STK17B: variants seen among roughly 807,000 people sequenced by gnomAD.
STK17B encodes the protein serine/threonine-protein kinase 17B.
A neutral mutation model predicts 42.0 loss-of-function variants in STK17B; 21 were observed. The ratio of observed to expected loss-of-function variants is 0.50; its 90% confidence interval spans 0.35 to 0.72. The LOEUF (loss-of-function observed/expected upper bound fraction) is 0.72, where lower values mean the gene tolerates loss of function less well. STK17B is among the 30% of genes least tolerant of loss of function. The probability of loss-of-function intolerance (pLI) is 0.00; values close to 1 mark genes in which losing one functional copy is unlikely to be tolerated. For missense variants in STK17B, 349 were observed against 446.0 expected (o/e 0.78, Z 1.96); for synonymous variants, 143 against 148.4 (o/e 0.96, Z 0.26).
upstream of STK17B, among the ~76,000 whole-genome samples, chr2:196,171,922 G>T (rs995842443): frequency 6.6e-6 from 1 of 152,200 alleles, no homozygotes; most frequent in African/African-American, 2.4e-5. Context: ...AGTTCGAGAG[G>T]TGTGAATATC....
At chr2:196,147,764 ACT>A (rs1699600927) in intron 3 of STK17B, among the ~76,000 whole-genome samples, 1 of 142,044 alleles carries the variant, frequency 7.0e-6, no homozygotes, top group Admixed American at 7.4e-5. Flanking sequence ...ATGGAGTTTC[ACT>A]CTGTTGCCAG....
chr2:196,152,671 T>C (rs1372887506), intron 3 of STK17B, among the ~76,000 whole-genome samples: 1 of 152,222 alleles, frequency 6.6e-6, no homozygotes, highest in African/African-American at 2.4e-5. Flanking sequence ...TGTAGAATGA[T>C]TTCTGGAATA....
chr2:196,171,539 CAGCAGCGGAGAGGACTACCG>C lies in STK17B; in HGVS notation c.-271_-252del, dbSNP rs1699943044. ...CTTCTCGTGAAGTGACTCCTGGCGA[CAGCAGCGGAGAGGACTACCG>C]AAGCTTGCAGTCGCGGTTTGAAAAC... On this transcript the variant is annotated 5_prime_UTR_variant, in exon 1 of 8. Transcript: ENST00000263955. The C allele has an allele frequency of 6.6e-6, 1 of 152,258 alleles. No homozygotes were observed. Among genetic ancestry groups the C allele is most frequent in the Admixed American group, 6.5e-5 (1 of 15,292 alleles). 9.4% of individuals were successfully genotyped at this position (152,258 alleles called of 1,614,324 possible).
At position 196,137,494 on chromosome 2, in the gene STK17B, C is replaced by A. The variant is rs766870205; in HGVS notation, c.1072G>T (p.Asp358Tyr). The A allele has an allele frequency of 1.9e-6, 3 of 1,614,056 alleles. No homozygotes were observed. Among genetic ancestry groups the A allele is most frequent in the East Asian group, 4.5e-5 (2 of 44,846 alleles). Residue 358 changes from aspartate (D) to tyrosine (Y), a missense_variant, in exon 8 of 8, where the codon GAC becomes TAC. Asp to Tyr is a radical substitution (Grantham distance 160). Around this residue, in one of 3 missense-constraint regions of STK17B, gnomAD observed 87 missense variants for 78.8 expected, o/e 1.10. Transcript: ENST00000263955. ...AGTTCATGGGGATTGGGTAATGAGT[C>A]ATCGAAACGAAATCTTTTGGAAACC... is the stretch of plus-strand genomic sequence containing the variant. ...SMVSKRFRFD[D>Y]SLPNPHELVS...
At position 196,143,586 on chromosome 2, in the gene STK17B, T is replaced by G; in HGVS notation, c.581A>C (p.Glu194Ala). 1 of 1,602,480 alleles carries G rather than the reference T, an allele frequency of 6.2e-7. No individual in the cohort carries two copies. The highest frequency in any genetic ancestry group is 8.5e-7 in the Non-Finnish European group (1 of 1,176,280). ...TAAATATTCTGGTGTTCCCATGATT[T>G]CCCGAAGTTCACACGCATGCCCTAT... ...RKIGHACELR[E>A]IMGTPEYLAP... is the part of the protein sequence containing the mutation. Residue 194 changes from glutamate (E) to alanine (A), a missense_variant, in exon 5 of 8, where the codon GAA becomes GCA. Glu to Ala is a moderately radical substitution (Grantham distance 107). This residue lies in a region of STK17B where 256 missense variants were observed against 347.7 expected (regional missense o/e 0.74). Coordinates refer to ENST00000263955, the MANE Select transcript of STK17B (RefSeq NM_004226.4).
chr2:196,172,967 G>T (rs1439781897), upstream of STK17B, among the ~76,000 whole-genome samples: 2 of 152,040 alleles, frequency 1.3e-5, no homozygotes, highest in Non-Finnish European at 2.9e-5. Context: ...ACCTCTTGGG[G>T]GTCACAGGAT....
At chr2:196,148,234 T>G (rs1011205953) in intron 3 of STK17B, among the ~76,000 whole-genome samples, 1 of 152,226 alleles carries the variant, frequency 6.6e-6, no homozygotes, top group Non-Finnish European at 1.5e-5. Flanking sequence ...TAGCGGCCCT[T>G]GGTCTGCATG....
chr2:196,155,090 G>A (rs1390517424), intron 3 of STK17B, among the ~76,000 whole-genome samples: 1 of 152,180 alleles, frequency 6.6e-6, no homozygotes, highest in African/African-American at 2.4e-5. Flanking sequence ...AATAGTCAAT[G>A]TTCTTATGTA....
intron 4 of STK17B, among the ~76,000 whole-genome samples, 189 bp downstream of exon 4, chr2:196,145,722 T>C (rs1004566292): frequency 1.3e-5 from 2 of 152,184 alleles, no homozygotes; most frequent in African/African-American, 4.8e-5. Flanking sequence ...TGCTTACACA[T>C]GCACTCTTCT....
At chr2:196,159,634 T>C (rs1699786397) in intron 2 of STK17B, among the ~76,000 whole-genome samples, 1 of 152,130 alleles carries the variant, frequency 6.6e-6, no homozygotes, top group South Asian at 2.1e-4. Flanking sequence ...CTTAAACAAG[T>C]ATAGTACTCA....
At chr2:196,164,036 C>CTAAA (rs368762428) in intron 1 of STK17B, among the ~76,000 whole-genome samples, 37 of 101,418 alleles carry the variant, frequency 3.6e-4, no homozygotes, top group African/African-American at 1.6e-3. Context: ...GAGATCTTAT[C>CTAAA]TCAATAAATA....
intron 5 of STK17B, 69 bp from the exon 6 acceptor site, chr2:196,141,366 C>T (rs1399882820): frequency 4.0e-5 from 51 of 1,290,094 alleles, no homozygotes; most frequent in African/African-American, 8.9e-5. Context: ...CTTTATATTA[C>T]GTTATAACTG....
intron 2 of STK17B, among the ~76,000 whole-genome samples, chr2:196,157,285 G>C (rs998991984): frequency 3.3e-5 from 5 of 151,956 alleles, no homozygotes; most frequent in Admixed American, 2.6e-4. Context: ...ATGCTCTCCT[G>C]TTCTTCACAC....
intron 5 of STK17B, 86 bp downstream of exon 5, chr2:196,143,474 T>A (rs1699522172): frequency 7.8e-7 from 1 of 1,287,224 alleles, no homozygotes; most frequent in African/African-American, 1.5e-5. Flanking sequence ...CTGAATCGAA[T>A]TACATGCTCT....
intron 7 of STK17B, among the ~76,000 whole-genome samples, chr2:196,139,019 T>A (rs1234415578): frequency 6.6e-6 from 1 of 152,202 alleles, no homozygotes; most frequent in East Asian, 1.9e-4. Context: ...TAGGCTAGAG[T>A]GCAGTGGCGC....
rs1699421353 is a variant in STK17B, at chr2:196,137,387, A to G, written c.*60T>C. On this transcript the variant is annotated 3_prime_UTR_variant, in exon 8 of 8. Coordinates refer to ENST00000263955, the MANE Select transcript of STK17B (RefSeq NM_004226.4). ...GTCATATATGAAGCTACAAATCATAATCTCACTGGAGTGGATATAAAATTT... is the reference window on the plus strand; with the variant it reads ...GTCATATATGAAGCTACAAATCATAGTCTCACTGGAGTGGATATAAAATTT... 6.6e-7 allele frequency: 1 copy of G among 1,515,798 alleles called. No homozygotes were observed. Among genetic ancestry groups the G allele is most frequent in the Admixed American group, 2.0e-5 (1 of 49,672 alleles). The allele number at this position is 1,515,798 out of a possible 1,614,324, so 93.9% of individuals were successfully genotyped here. A position where few individuals can be genotyped will look rare whatever the true frequency, so the allele number is the denominator to read the frequency against.
chr2:196,154,701 C>A (rs902787767), intron 3 of STK17B: 6 of 152,116 alleles, frequency 3.9e-5, no homozygotes, highest in African/African-American at 1.4e-4. Context: ...TTAATTTCAC[C>A]ATATAAAAAT....
intron 4 of STK17B, 89 bp from the exon 5 acceptor site, chr2:196,143,775 C>A: frequency 8.6e-7 from 1 of 1,165,556 alleles, no homozygotes; most frequent in Non-Finnish European, 1.1e-6. Flanking sequence ...GAAGATATTG[C>A]TCAGCTATTA....
intron 3 of STK17B, among the ~76,000 whole-genome samples, chr2:196,150,602 A>G (rs1344526863): frequency 2.0e-5 from 3 of 152,218 alleles, no homozygotes; most frequent in Non-Finnish European, 4.4e-5. Context: ...GATTTCTGTG[A>G]GTTATAGAGA....
Sources: allele counts gnomAD v4.1 joint callset (sites outside exome capture counted in the v4.1 genomes callset), GRCh38; gene constraint gnomAD v4.1.1; regional missense constraint gnomAD v4.1.1; transcripts MANE v1.5; gene names NCBI Gene and HGNC (gene_info 2026-07-23, HGNC 2026-07-21).